SSPN: variants seen among roughly 807,000 people sequenced by gnomAD.
SSPN encodes the protein sarcospan.
In SSPN, 15 loss-of-function variants were observed where a neutral mutation model predicts 19.1. That is an observed-to-expected ratio of 0.78 (90% CI 0.52 to 1.21). SSPN has a LOEUF of 1.21. Among genes scored for constraint, SSPN ranks in the 50% most tolerant of loss-of-function variants. SSPN has a pLI of 0.00. For missense variants in SSPN, 291 were observed against 314.0 expected (o/e 0.93, Z 0.55); for synonymous variants, 147 against 140.3 (o/e 1.05, Z -0.34).
At chr12:26,191,734 G>A (rs1189514310), upstream of SSPN, among the ~76,000 whole-genome samples, 4 of 150,914 alleles carry the variant, frequency 2.7e-5, no homozygotes, top group Admixed American at 6.6e-5. Context: ...ACACACAGAG[G>A]TCAGCAATAT....
chr12:26,233,132 T>C lies in SSPN; in HGVS notation c.*2056T>C, dbSNP rs2137527841. On this transcript the variant is annotated 3_prime_UTR_variant, in exon 3 of 3. Transcript: ENST00000242729. This position sits in a 1 kb window ranked among gnomAD's most constrained non-coding sequence, Gnocchi z 4.3. ...ATCCCGAATTTCTTTAACAACAACA[T>C]TTTATAGTGAACACTACAAGTTTTT... 6.6e-6 allele frequency: 1 copy of C among 152,132 alleles called. No homozygotes were observed. Among genetic ancestry groups the C allele is most frequent in the East Asian group, 1.9e-4 (1 of 5,180 alleles). The allele number at this position is 152,132 out of a possible 1,614,324, so 9.4% of individuals were successfully genotyped here.
chr12:26,149,906 C>T (rs953643074), intron 1 of SSPN, among the ~76,000 whole-genome samples: 1 of 151,996 alleles, frequency 6.6e-6, no homozygotes, highest in East Asian at 1.9e-4. Flanking sequence ...CATGATGCAC[C>T]TGAAATTTTT....
At chr12:26,132,636 A>G (rs1565668278) in intron 1 of SSPN, among the ~76,000 whole-genome samples, 3 of 151,980 alleles carry the variant, frequency 2.0e-5, no homozygotes, top group African/African-American at 4.8e-5. Context: ...TACCTCCCCA[A>G]TTTGCCCTAG....
chr12:26,132,352 A>T (rs941989909), intron 1 of SSPN, among the ~76,000 whole-genome samples: 1 of 152,222 alleles, frequency 6.6e-6, no homozygotes, highest in African/African-American at 2.4e-5. Context: ...ATAAGTTTAC[A>T]ATTTAATGGA....
At chr12:26,216,977 G>C (rs1684549255) in intron 1 of SSPN, among the ~76,000 whole-genome samples, 1 of 128,156 alleles carries the variant, frequency 7.8e-6, no homozygotes, top group African/African-American at 2.9e-5. Flanking sequence ...GGTTACTGTA[G>C]CCTTGTAGTA....
At chr12:26,213,327 A>G (rs1945012073) in intron 1 of SSPN, among the ~76,000 whole-genome samples, 1 of 152,110 alleles carries the variant, frequency 6.6e-6, no homozygotes, top group African/African-American at 2.4e-5. Flanking sequence ...CTATGTTAAC[A>G]TTGTTGGAAA....
chr12:26,213,128 A>ATT (rs3082339), intron 1 of SSPN, among the ~76,000 whole-genome samples: 1 of 151,220 alleles, frequency 6.6e-6, no homozygotes, highest in African/African-American at 2.4e-5. Context: ...ATTGAAAAGC[A>ATT]TTTTTTTTTC....
intron 1 of SSPN, among the ~76,000 whole-genome samples, chr12:26,152,691 TTCCTTA>T (rs1223502040): frequency 6.6e-6 from 1 of 152,200 alleles, no homozygotes; most frequent in African/African-American, 2.4e-5. Context: ...CCCTGGTTCA[TTCCTTA>T]TCTGTGTCTC....
chr12:26,160,825 C>T (rs542370035), intron 1 of SSPN, among the ~76,000 whole-genome samples: 38 of 152,144 alleles, frequency 2.5e-4, no homozygotes, highest in Admixed American at 7.9e-4. Context: ...AAATCAAAGT[C>T]GACTGGGCAT....
At chr12:26,166,457 A>T (rs908092117) in intron 1 of SSPN, among the ~76,000 whole-genome samples, 6 of 152,224 alleles carry the variant, frequency 3.9e-5, no homozygotes, top group African/African-American at 7.2e-5. Flanking sequence ...AAACTGGCTG[A>T]TTGTACATTG....
At chr12:26,205,305 G>A (rs1242791345) in intron 1 of SSPN, among the ~76,000 whole-genome samples, 1 of 152,160 alleles carries the variant, frequency 6.6e-6, no homozygotes, top group East Asian at 1.9e-4. Context: ...ACCCCTTTAA[G>A]ATATGTTATT....
exon 1 of SSPN, chr12:26,122,138 C>T (rs879725466): frequency 8.4e-6 from 13 of 1,548,614 alleles, no homozygotes; most frequent in Non-Finnish European, 1.1e-5. Context: ...GCTCGCGGGG[C>T]CCGGCGAAGG....
rs189667273 is a variant in SSPN, at chr12:26,197,328, A to G, written c.279+1377A>G. On this transcript the variant is annotated intron_variant, in intron 1 of 2. Coordinates refer to ENST00000242729, the MANE Select transcript of SSPN (RefSeq NM_005086.5). ...AATTTAAAACTTTAATTTTTGTACT[A>G]AGAATTCCCATGAAATTACCATGAT... is the stretch of plus-strand genomic sequence containing the variant. Among the ~76,000 whole-genome samples, 26 of 152,368 alleles carry G rather than the reference A, an allele frequency of 1.7e-4. No homozygotes were observed. The East Asian group carries it at 4.8e-3, about 28-fold the overall frequency.
At chr12:26,143,862 C>T (rs2137408249) in intron 1 of SSPN, among the ~76,000 whole-genome samples, 1 of 152,256 alleles carries the variant, frequency 6.6e-6, no homozygotes, top group Admixed American at 6.5e-5. Context: ...GTCAGATTCT[C>T]AGGGGAGTGC....
intron 1 of SSPN, chr12:26,125,715 A>G (rs1458458360): frequency 6.6e-6 from 1 of 151,736 alleles, no homozygotes; most frequent in Non-Finnish European, 1.5e-5. Flanking sequence ...GCCACTAATC[A>G]CAGCAGCAGA....
Position 26,195,601 on chromosome 12 carries a change from C to T in SSPN, c.-72C>T, listed in dbSNP as rs961895547. The stretch of plus-strand genomic sequence containing the variant: ...ATTCGAATACCAGGGCAGGCCGAGC[C>T]AGCCGTGCGCCGCGCTCCAGGGCCC... On this transcript the variant is annotated 5_prime_UTR_variant, in exon 1 of 3. Transcript: ENST00000242729. 6.7e-5 allele frequency: 90 copies of T among 1,339,226 alleles called. No homozygotes were observed. The highest frequency in any genetic ancestry group is 8.2e-5 in the Non-Finnish European group (86 of 1,051,870). 83.0% of individuals were successfully genotyped at this position (1,339,226 alleles called of 1,614,324 possible). A position where few individuals can be genotyped will look rare whatever the true frequency, so the allele number is the denominator to read the frequency against.
intron 1 of SSPN, among the ~76,000 whole-genome samples, chr12:26,177,063 G>A (rs547873056): frequency 3.3e-5 from 5 of 152,242 alleles, no homozygotes; most frequent in South Asian, 4.2e-4. Context: ...ATAACAATAC[G>A]AGAAGAGAGG....
intron 1 of SSPN, among the ~76,000 whole-genome samples, chr12:26,177,799 G>A (rs1591863325): frequency 6.6e-6 from 1 of 152,108 alleles, no homozygotes; most frequent in Non-Finnish European, 1.5e-5. Context: ...GTGCCGGCTG[G>A]CTCTTTACAC....
chr12:26,190,697 A>T (rs1944782003), upstream of SSPN, among the ~76,000 whole-genome samples: 1 of 152,126 alleles, frequency 6.6e-6, no homozygotes, highest in Non-Finnish European at 1.5e-5. Flanking sequence ...TTTATAAAAA[A>T]CCTACTTGTT....
Sources: gnomAD v4.1 joint callset for allele counts (sites outside exome capture counted in the v4.1 genomes callset) on GRCh38, gnomAD v4.1.1 for gene constraint, Gnocchi (gnomAD v3.1) non-coding constraint, MANE v1.5 for transcripts, NCBI Gene and HGNC (gene_info 2026-07-23, HGNC 2026-07-21) for gene names.